CCDC7: variants seen among roughly 807,000 people sequenced by gnomAD.
The protein encoded by CCDC7 is coiled-coil domain-containing protein 7.
A neutral mutation model predicts 196.9 loss-of-function variants in CCDC7; 183 were observed. The ratio of observed to expected loss-of-function variants is 0.93; its 90% CI spans 0.82 to 1.05. CCDC7 has a LOEUF of 1.05. Among genes scored for constraint, CCDC7 ranks in the 50% least tolerant of loss-of-function variants. The pLI is 0.00. For missense variants in CCDC7, 1,540 were observed against 1,482.2 expected (o/e 1.04, Z -0.64); for synonymous variants, 525 against 484.6 (o/e 1.08, Z -1.10).
intron 18 of CCDC7, among the ~76,000 whole-genome samples, chr10:32,611,233 C>A (rs1472235419): frequency 6.6e-6 from 1 of 152,132 alleles, no homozygotes; most frequent in African/African-American, 2.4e-5. Context: ...TGAAAAATGT[C>A]TGTTCATATC....
chr10:32,665,149 T>C (rs1362300554), intron 21 of CCDC7, among the ~76,000 whole-genome samples: 1 of 152,068 alleles, frequency 6.6e-6, no homozygotes, highest in Non-Finnish European at 1.5e-5. Flanking sequence ...ACTCATCTTT[T>C]ATTTGCGTTG....
chr10:32,674,075 T>A (rs1024909408), intron 21 of CCDC7, among the ~76,000 whole-genome samples: 3 of 151,786 alleles, frequency 2.0e-5, no homozygotes, highest in African/African-American at 7.2e-5. Flanking sequence ...TTTTCATCAA[T>A]TTTTTCTATA....
intron 5 of CCDC7, among the ~76,000 whole-genome samples, chr10:32,470,800 TA>T (rs1451986174): frequency 6.6e-6 from 1 of 152,144 alleles, no homozygotes; most frequent in Non-Finnish European, 1.5e-5. Flanking sequence ...TGGACTTGCT[TA>T]AAATTCCTAT....
chr10:32,744,518 A>G (rs1302614150), intron 28 of CCDC7, among the ~76,000 whole-genome samples: 1 of 152,206 alleles, frequency 6.6e-6, no homozygotes, highest in Admixed American at 6.5e-5. Flanking sequence ...CCATTCTAAT[A>G]ACTGTGTAAT....
rs2083185367 is a variant in CCDC7, at chr10:32,726,719, T to TG, written c.2570-13dup. ...AGCGGACTAAATGTATCTCTTTATG[T>TG]GGTTCATTTTGTAGTACCAGATAAA... On this transcript the variant is annotated splice_polypyrimidine_tract_variant and intron_variant, in intron 25 of 41. Coordinates refer to ENST00000639629, the Ensembl canonical transcript of CCDC7. 7.0e-7 allele frequency: 1 copy of TG among 1,423,252 alleles called. No homozygotes were observed. The highest frequency in any genetic ancestry group is 1.8e-5 in the Admixed American group (1 of 57,036). The allele number at this position is 1,423,252 out of a possible 1,614,324, so 88.2% of individuals were successfully genotyped here.
chr10:32,487,986 G>A (rs541661759), intron 8 of CCDC7, among the ~76,000 whole-genome samples: 1 of 152,304 alleles, frequency 6.6e-6, no homozygotes, highest in East Asian at 1.9e-4. Flanking sequence ...GCTGCGTGCT[G>A]GGAGAACCAC....
Position 32,451,854 on chromosome 10 carries a change from C to T in CCDC7, c.212C>T (p.Ser71Leu), listed in dbSNP as rs954423198. The T allele has an allele frequency of 1.3e-5, 21 of 1,613,862 alleles. No homozygotes were observed. The East Asian group carries it at 1.8e-4, about 14-fold the overall frequency. Reference sequence around the variant, plus strand: ...TTACGGTATGCTTTGCCCATTCCATCGAGTAAGACAAAGAACTTACTACCA... The same window carrying T: ...TTACGGTATGCTTTGCCCATTCCATTGAGTAAGACAAAGAACTTACTACCA... The change falls in exon 1 of 42, where the codon TCG (serine) becomes TTG (leucine). Residue 71 changes from serine to leucine, a missense_variant. Ser to Leu is a moderately radical substitution (Grantham distance 145, BLOSUM62 -2). Coordinates refer to ENST00000639629, the Ensembl canonical transcript of CCDC7.
chr10:32,756,901 G>A (rs942171561), intron 28 of CCDC7, among the ~76,000 whole-genome samples: 4 of 152,174 alleles, frequency 2.6e-5, no homozygotes, highest in African/African-American at 7.2e-5. Flanking sequence ...AAGGGATGGA[G>A]GAAGATCTGC....
At chr10:32,677,900 T>C (rs1326613756) in intron 21 of CCDC7, among the ~76,000 whole-genome samples, 1 of 152,116 alleles carries the variant, frequency 6.6e-6, no homozygotes, top group Admixed American at 6.6e-5. Flanking sequence ...TTTTTCATTA[T>C]TTTTATTTTT....
chr10:32,784,506 G>C (rs2134410014), intron 29 of CCDC7, among the ~76,000 whole-genome samples: 3 of 152,288 alleles, frequency 2.0e-5, no homozygotes, highest in Non-Finnish European at 4.4e-5. Flanking sequence ...CGTTAGTTTG[G>C]TAAGGATAAT....
chr10:32,567,307 T>C (rs2056970792), intron 14 of CCDC7, among the ~76,000 whole-genome samples: 1 of 151,826 alleles, frequency 6.6e-6, no homozygotes, highest in Non-Finnish European at 1.5e-5. Context: ...TTTTATTTCA[T>C]TCTTTGATAT....
At chr10:32,694,542 A>C (rs971657692) in intron 23 of CCDC7, among the ~76,000 whole-genome samples, 18 of 152,132 alleles carry the variant, frequency 1.2e-4, no homozygotes, top group African/African-American at 4.3e-4. Context: ...AGTTTTGACT[A>C]TTTTGCAATT....
chr10:32,450,685 A>G (rs1214545602), upstream of CCDC7, among the ~76,000 whole-genome samples: 1 of 152,336 alleles, frequency 6.6e-6, no homozygotes, highest in Middle Eastern at 3.4e-3. Flanking sequence ...TTATCTTAGC[A>G]TAGCTTTGAT....
chr10:32,696,856 A>G (rs947811684), intron 24 of CCDC7, among the ~76,000 whole-genome samples: 3 of 152,114 alleles, frequency 2.0e-5, no homozygotes, highest in African/African-American at 7.2e-5. Flanking sequence ...GGAATTTGAC[A>G]TGTACAGGCC....
intron 23 of CCDC7, among the ~76,000 whole-genome samples, chr10:32,692,911 A>T (rs528766515): frequency 6.6e-6 from 1 of 152,220 alleles, no homozygotes; most frequent in South Asian, 2.1e-4. Flanking sequence ...TTTCCATTTT[A>T]TGGACCCTGA....
intron 9 of CCDC7, among the ~76,000 whole-genome samples, chr10:32,494,605 C>G (rs1476570615): frequency 6.6e-6 from 1 of 152,118 alleles, no homozygotes; most frequent in Admixed American, 6.5e-5. Flanking sequence ...TCCATGTGTT[C>G]TTATTGTTCC....
intron 24 of CCDC7, among the ~76,000 whole-genome samples, chr10:32,708,807 AAAGT>A (rs2080279459): frequency 1.3e-5 from 2 of 152,232 alleles, no homozygotes; most frequent in Non-Finnish European, 2.9e-5. Context: ...TGATCATTAA[AAAGT>A]CAGAAAACAA....
At chr10:32,692,349 A>T (rs1262918270) in intron 23 of CCDC7, among the ~76,000 whole-genome samples, 2 of 152,232 alleles carry the variant, frequency 1.3e-5, no homozygotes, top group South Asian at 4.1e-4. Context: ...ATATCTTGGT[A>T]TGTGAATCAG....
intron 19 of CCDC7, among the ~76,000 whole-genome samples, 162 bp downstream of exon 20, chr10:32,634,526 A>G (rs2065325494): frequency 6.6e-6 from 1 of 152,128 alleles, no homozygotes; most frequent in African/African-American, 2.4e-5. Flanking sequence ...ACTCCCGAGT[A>G]GCTGGGATTA....
Sources: gnomAD v4.1 joint callset for allele counts (sites outside exome capture counted in the v4.1 genomes callset) on GRCh38, gnomAD v4.1.1 for gene constraint, MANE v1.5 for transcripts, NCBI Gene and HGNC (gene_info 2026-07-23, HGNC 2026-07-21) for gene names.